SLC25A28: variants seen among roughly 807,000 people sequenced by gnomAD.
SLC25A28 encodes mitoferrin-2.
Under a neutral mutation model 31.9 loss-of-function variants are expected in SLC25A28, and 10 were observed. That is an observed-to-expected ratio of 0.31 (90% CI 0.19 to 0.53). The LOEUF (loss-of-function observed/expected upper bound fraction) is 0.53. Among genes scored for constraint, SLC25A28 ranks in the 20% least tolerant of loss-of-function variants. The probability of loss-of-function intolerance (pLI) is 0.95; values close to 1 mark genes in which losing one functional copy is unlikely to be tolerated. For synonymous variants in SLC25A28, 208 were observed against 203.6 expected (o/e 1.02, Z -0.19); for missense variants, 256 against 490.3 (o/e 0.52, Z 4.51).
chr10:99,619,113 C>T (rs2034725496), intron 1 of SLC25A28: 4 of 985,254 alleles, frequency 4.1e-6, no homozygotes, highest in Non-Finnish European at 4.8e-6. Context: ...CTTTCTTCAC[C>T]CAGCTTTCTT....
upstream of SLC25A28, among the ~76,000 whole-genome samples, chr10:99,624,759 C>T (rs752696432): frequency 2.6e-5 from 4 of 152,134 alleles, no homozygotes; most frequent in East Asian, 1.9e-4. Flanking sequence ...CACTTGAACC[C>T]GGGATGCAGA....
chr10:99,647,100 T>C, the SLC25A28 span, among the ~76,000 whole-genome samples: 1 of 152,250 alleles, frequency 6.6e-6, no homozygotes, highest in African/African-American at 2.4e-5. Context: ...ATCTTTGTTA[T>C]TGTGAATAGT....
At position 99,620,160 on chromosome 10, in the gene SLC25A28, G is replaced by T; in HGVS notation, c.176C>A (p.Ser59Tyr). The T allele has an allele frequency of 6.4e-7, 1 of 1,565,194 alleles. No homozygotes were observed. The change falls in exon 1 of 4, where the codon TCC becomes TAC. Residue 59 changes from serine to tyrosine, a missense_variant. Ser to Tyr is a moderately radical substitution (Grantham distance 144). This residue lies in a region of SLC25A28 where 41 missense variants were observed against 41.7 expected (regional missense o/e 0.98). Transcript: ENST00000370495. ...CRPPVRQDPD[S>Y]GPDYEALPAG... ...CGGCAGCGCCTCGTAGTCCGGGCCG[G>T]AGTCCGGATCTTGTCGTACCGGGGG...
chr10:99,629,656 G>A, the SLC25A28 span, among the ~76,000 whole-genome samples: 1 of 152,194 alleles, frequency 6.6e-6, no homozygotes, highest in Non-Finnish European at 1.5e-5. Flanking sequence ...AATGCAAAAG[G>A]TCACATATTA....
rs2034747980 is a variant in SLC25A28, at chr10:99,620,075, G to A, written c.261C>T (p.His87=). ...CGCAGTCGATGGGGTACATCACGCAGTGCTCCAGGATCCCTGCCACGGCGC... is the reference window on the plus strand; with the variant it reads ...CGCAGTCGATGGGGTACATCACGCAATGCTCCAGGATCCCTGCCACGGCGC... ...VAGAVAGILE[H]CVMYPIDCVK... is the part of the protein sequence containing the mutation. The change falls in exon 1 of 4, where the codon CAC becomes CAT. Residue 87 remains histidine, a synonymous_variant. Transcript: ENST00000370495. 1 of 1,582,342 alleles carries A rather than the reference G, an allele frequency of 6.3e-7. No homozygotes were observed. Among genetic ancestry groups the A allele is most frequent in the East Asian group, 2.4e-5 (1 of 42,184 alleles).
the SLC25A28 span, among the ~76,000 whole-genome samples, chr10:99,651,078 T>A: frequency 5.3e-5 from 8 of 152,188 alleles, no homozygotes; most frequent in African/African-American, 1.9e-4. Context: ...TCTCTCTTAT[T>A]GTTTCCCAGC....
the SLC25A28 span, among the ~76,000 whole-genome samples, chr10:99,658,004 A>G: frequency 6.6e-6 from 1 of 151,956 alleles, no homozygotes; most frequent in Non-Finnish European, 1.5e-5. Flanking sequence ...TGGACAACAT[A>G]GTGAGACTCC....
chr10:99,612,986 C>A lies in SLC25A28; in HGVS notation c.521-387G>T, dbSNP rs74152238. ...GGCCAGGTGGTCAGATCTCACAGAA[C>A]CTCACCACAGAATCCCACCTCAGTC... On this transcript the variant is annotated intron_variant, in intron 2 of 3. Coordinates refer to ENST00000370495, the MANE Select transcript of SLC25A28 (RefSeq NM_031212.4). 1.4e-3 allele frequency among the ~76,000 whole-genome samples: 206 copies of A among 152,266 alleles called. 1 individual carries two copies. Among genetic ancestry groups the A allele is most frequent in the African/African-American group, 4.9e-3 (202 of 41,548 alleles).
chr10:99,650,639 C>T, the SLC25A28 span, among the ~76,000 whole-genome samples: 1 of 151,676 alleles, frequency 6.6e-6, no homozygotes, highest in Non-Finnish European at 1.5e-5. Context: ...CCGCTCACAT[C>T]TCAGTCACAC....
intron 1 of SLC25A28, among the ~76,000 whole-genome samples, chr10:99,614,592 C>A (rs956107073): frequency 1.3e-5 from 2 of 152,230 alleles, no homozygotes; most frequent in Middle Eastern, 3.4e-3. Context: ...GATTGAATCC[C>A]AAAATTGGCA....
In SLC25A28 at chr10:99,618,864, G is replaced by A. The variant is rs1347822039; in HGVS notation, c.291+1181C>T. ...AAGGGATCTACTTTGCCTTTCCCAAGTTGATTCTCTCCTCCTTTTGAATAC... is the reference window on the plus strand; with the variant it reads ...AAGGGATCTACTTTGCCTTTCCCAAATTGATTCTCTCCTCCTTTTGAATAC... On this transcript the variant is annotated intron_variant, in intron 1 of 3. Coordinates refer to ENST00000370495, the MANE Select transcript of SLC25A28 (RefSeq NM_031212.4). 4 of 985,312 alleles carry A rather than the reference G, an allele frequency of 4.1e-6. No homozygotes were observed. The African/African-American group carries it at 7.0e-5, about 17-fold the overall frequency. 61.0% of individuals were successfully genotyped at this position (985,312 alleles called of 1,614,324 possible).
At chr10:99,617,121 TTGA>T (rs780333646) in intron 1 of SLC25A28, 25 of 985,316 alleles carry the variant, frequency 2.5e-5, no homozygotes, top group Non-Finnish European at 3.0e-5. Context: ...CAACAGCAGC[TTGA>T]TGATAGGTGG....
chr10:99,612,711 G>T (rs1221007119), intron 2 of SLC25A28, 112 bp from the exon 3 acceptor site: 1 of 1,210,586 alleles, frequency 8.3e-7, no homozygotes, highest in Non-Finnish European at 1.2e-6. Context: ...GAAAAGTAAC[G>T]TTAAGAGCTA....
chr10:99,648,139 C>T, the SLC25A28 span, among the ~76,000 whole-genome samples: 1 of 149,380 alleles, frequency 6.7e-6, no homozygotes, highest in Non-Finnish European at 1.5e-5. Context: ...GCTGGGATTA[C>T]AGGTGTGCAC....
the SLC25A28 span, among the ~76,000 whole-genome samples, chr10:99,637,395 C>T: frequency 6.6e-6 from 1 of 152,146 alleles, no homozygotes; most frequent in Non-Finnish European, 1.5e-5. Context: ...AGGTTGCCCA[C>T]TCTCACCACT....
At chr10:99,658,189 G>C in the SLC25A28 span, among the ~76,000 whole-genome samples, 35 of 152,140 alleles carry the variant, frequency 2.3e-4, no homozygotes, top group Non-Finnish European at 5.9e-5. Flanking sequence ...GACCCTGTAG[G>C]TAATTAAGTA....
At chr10:99,654,103 A>G in the SLC25A28 span, among the ~76,000 whole-genome samples, 1 of 152,200 alleles carries the variant, frequency 6.6e-6, no homozygotes, top group Non-Finnish European at 1.5e-5. Context: ...GAGAAAAGTT[A>G]TAATCAATTC....
chr10:99,654,594 T>C, the SLC25A28 span, among the ~76,000 whole-genome samples: 1 of 151,978 alleles, frequency 6.6e-6, no homozygotes, highest in Non-Finnish European at 1.5e-5. Flanking sequence ...AGGCAGAGGT[T>C]GCAGTCAGCC....
chr10:99,654,657 T>TAAC, the SLC25A28 span, among the ~76,000 whole-genome samples: 105,780 of 150,664 alleles, frequency 0.7, 37,255 homozygotes, highest in Middle Eastern at 0.79. Context: ...CCCATCTCAA[T>TAAC]AACAACAACA....
Sources: allele counts gnomAD v4.1 joint callset (sites outside exome capture counted in the v4.1 genomes callset), GRCh38; gene constraint gnomAD v4.1.1; regional missense constraint gnomAD v4.1.1; transcripts MANE v1.5; gene names NCBI Gene and HGNC (gene_info 2026-07-23, HGNC 2026-07-21).